The following CAPN8 variants were observed in gnomAD, a reference collection of about 807,000 sequenced individuals.
CAPN8 encodes calpain-8.
Under a neutral mutation model 80.9 loss-of-function variants are expected in CAPN8, and 87 were observed. That is an observed-to-expected ratio of 1.07 (90% CI 0.90 to 1.28). CAPN8 has a LOEUF of 1.28. Ranked by LOEUF, CAPN8 falls within the 50% of genes most tolerant of loss-of-function variation. The probability of loss-of-function intolerance (pLI) is 0.00; values close to 1 mark genes in which losing one functional copy is unlikely to be tolerated. For synonymous variants in CAPN8, 299 were observed against 273.8 expected (o/e 1.09, Z -0.91); for missense variants, 757 against 702.0 (o/e 1.08, Z -0.89).
At chr1:223,627,670 T>G (rs1183453913) in intron 4 of CAPN8, among the ~76,000 whole-genome samples, 1 of 152,196 alleles carries the variant, frequency 6.6e-6, no homozygotes, top group African/African-American at 2.4e-5. Context: ...CTAGTACATT[T>G]GTTTTATTAT....
chr1:223,641,391 G>C (rs1157334293), intron 2 of CAPN8, among the ~76,000 whole-genome samples: 1 of 149,590 alleles, frequency 6.7e-6, no homozygotes, highest in African/African-American at 2.5e-5. Flanking sequence ...TGTTTACTAA[G>C]AAATGTGGAC....
intron 2 of CAPN8, among the ~76,000 whole-genome samples, chr1:223,632,367 GGTTTT>G (rs71572867): frequency 7.3e-5 from 11 of 151,544 alleles, no homozygotes; most frequent in Non-Finnish European, 1.6e-4. Flanking sequence ...TTGGAGCATA[GGTTTT>G]GTTTTGTTTT....
At chr1:223,649,321 G>A (rs906005749) in intron 2 of CAPN8, among the ~76,000 whole-genome samples, 1 of 152,250 alleles carries the variant, frequency 6.6e-6, no homozygotes, top group Non-Finnish European at 1.5e-5. Context: ...AGCTTGCATG[G>A]CAGGTAGAGT....
At chr1:223,646,376 A>C (rs1658193176) in intron 2 of CAPN8, among the ~76,000 whole-genome samples, 1 of 152,328 alleles carries the variant, frequency 6.6e-6, no homozygotes, top group African/African-American at 2.4e-5. Context: ...CTGAGGGTGT[A>C]CATCTCCCAG....
At chr1:223,658,021 T>C (rs1658545114) in intron 1 of CAPN8, among the ~76,000 whole-genome samples, 1 of 152,154 alleles carries the variant, frequency 6.6e-6, no homozygotes, top group South Asian at 2.1e-4. Flanking sequence ...TGCATTCTTC[T>C]ACTGTGCTTA....
intron 2 of CAPN8, among the ~76,000 whole-genome samples, chr1:223,640,179 T>A (rs115915092): frequency 2.0e-4 from 31 of 152,144 alleles, no homozygotes; most frequent in African/African-American, 7.5e-4. Flanking sequence ...TACATTGCAA[T>A]AACATAAAAC....
chr1:223,544,361 T>C (rs923056035), intron 18 of CAPN8, 178 bp from the exon 19 acceptor site: 1 of 599,872 alleles, frequency 1.7e-6, no homozygotes, highest in Non-Finnish European at 3.0e-6. Flanking sequence ...TCCATCCCTC[T>C]CCTTGTAGCT....
At chr1:223,655,102 T>C (rs533444443) in intron 1 of CAPN8, among the ~76,000 whole-genome samples, 1 of 152,104 alleles carries the variant, frequency 6.6e-6, no homozygotes, top group Non-Finnish European at 1.5e-5. Context: ...TAATATGTGA[T>C]GAAAAATGAT....
rs1656972519 is a variant in CAPN8, at chr1:223,609,196, C to T, written c.1492G>A (p.Glu498Lys). 5.0e-6 allele frequency: 2 copies of T among 398,264 alleles called. No individual in the cohort carries two copies. The highest frequency in any genetic ancestry group is 2.1e-5 in the African/African-American group (1 of 48,528). The allele number at this position is 398,264 out of a possible 1,614,324, so 24.7% of individuals were successfully genotyped here. The change falls in exon 12 of 21, where the codon GAG (glutamate) becomes AAG (lysine). Residue 498 changes from glutamate (E) to lysine (K), a missense_variant. Transcript: ENST00000366872. The stretch of plus-strand genomic sequence containing the variant: ...TCTGAGAACACTCTCAAGCAGAACT[C>T]GCCGTCTTTGAAGGGTTCAAATGTG... ...PSTFEPFKDG[E>K]FCLRVFSEKK...
At chr1:223,645,624 A>T (rs1318038282) in intron 2 of CAPN8, among the ~76,000 whole-genome samples, 1 of 152,200 alleles carries the variant, frequency 6.6e-6, no homozygotes, top group East Asian at 1.9e-4. Flanking sequence ...TCCTGAACAC[A>T]TGTACAGAAG....
At chr1:223,630,223 C>A (rs1657733185) in intron 2 of CAPN8, among the ~76,000 whole-genome samples, 1 of 152,010 alleles carries the variant, frequency 6.6e-6, no homozygotes, top group Non-Finnish European at 1.5e-5. Flanking sequence ...ATGATCTGAC[C>A]CCAAATTAAT....
chr1:223,618,110 G>A, intron 9 of CAPN8: 1 of 995,814 alleles, frequency 1.0e-6, no homozygotes, highest in South Asian at 1.6e-5. Flanking sequence ...TGCGCTTACA[G>A]TCTAAGTCAA....
At chr1:223,558,459 T>A (rs1656954167) in intron 12 of CAPN8, among the ~76,000 whole-genome samples, 1 of 151,936 alleles carries the variant, frequency 6.6e-6, no homozygotes, top group Admixed American at 6.6e-5. Flanking sequence ...GGGACAAAAG[T>A]GGTAACGGGT....
At position 223,619,353 on chromosome 1, in the gene CAPN8, C is replaced by G; in HGVS notation, c.1075G>C (p.Val359Leu). 6.4e-7 allele frequency: 1 copy of G among 1,551,672 alleles called. No individual in the cohort carries two copies. ...CGGGTCCAGTGGCCGTTGAACAGGA[C>G]CAGGTTCCATTTGTGCACCTCCTCG... ...SSEEVHKWNL[V>L]LFNGHWTRGS... The change falls in exon 9 of 21, where the codon GTC becomes CTC. Residue 359 changes from valine (V) to leucine (L), a missense_variant. By Grantham distance (32) the Val-to-Leu change is conservative. Transcript: ENST00000366872.
chr1:223,541,642 C>A lies in CAPN8; in HGVS notation c.*194G>T. On this transcript the variant is annotated 3_prime_UTR_variant, in exon 21 of 21. Coordinates refer to ENST00000366872, the MANE Select transcript of CAPN8 (RefSeq NM_001143962.2). ...TCTGGCTCACAACTTTAATTGATTG[C>A]TTTCCCTCCACTGGGCCCACCGGGT... is the stretch of plus-strand genomic sequence containing the variant. The A allele has an allele frequency of 2.8e-6, 2 of 717,476 alleles. No homozygotes were observed. The highest frequency in any genetic ancestry group is 4.7e-6 in the Non-Finnish European group (2 of 421,688). 44.4% of individuals were successfully genotyped at this position (717,476 alleles called of 1,614,324 possible).
chr1:223,646,123 A>G (rs1658185328), intron 2 of CAPN8, among the ~76,000 whole-genome samples: 1 of 152,184 alleles, frequency 6.6e-6, no homozygotes, highest in Non-Finnish European at 1.5e-5. Flanking sequence ...CTGAGACAAC[A>G]AGAGGGCGGT....
intron 16 of CAPN8, 67 bp downstream of exon 16, chr1:223,549,251 G>T: frequency 6.5e-7 from 1 of 1,529,074 alleles, no homozygotes; most frequent in South Asian, 1.2e-5. Flanking sequence ...AACTGGAAAA[G>T]GTGGAGGAGT....
chr1:223,632,697 C>A (rs1476818922), intron 2 of CAPN8, among the ~76,000 whole-genome samples: 2 of 152,190 alleles, frequency 1.3e-5, no homozygotes, highest in Admixed American at 1.3e-4. Flanking sequence ...TTTTCAAAAG[C>A]AGTCAGGAGG....
At chr1:223,633,954 T>C (rs1657843951) in intron 2 of CAPN8, among the ~76,000 whole-genome samples, 1 of 152,158 alleles carries the variant, frequency 6.6e-6, no homozygotes, top group Non-Finnish European at 1.5e-5. Flanking sequence ...AGCCCCTACA[T>C]TACCTTGAGG....
Sources: gnomAD v4.1 joint callset for allele counts (sites outside exome capture counted in the v4.1 genomes callset) on GRCh38, gnomAD v4.1.1 for gene constraint, MANE v1.5 for transcripts, NCBI Gene and HGNC (gene_info 2026-07-23, HGNC 2026-07-21) for gene names.